GREB1L: variants seen among roughly 807,000 people sequenced by gnomAD.
The protein encoded by GREB1L is GREB1 like retinoic acid receptor coactivator.
Under a neutral mutation model 200.8 loss-of-function variants are expected in GREB1L, and 17 were observed. The observed-to-expected ratio is 0.08, with a 90% CI of 0.06 to 0.13. GREB1L has a LOEUF of 0.13. GREB1L is among the 10% of genes least tolerant of loss of function. The pLI is 1.00. For synonymous variants in GREB1L, 789 were observed against 893.0 expected, an observed-to-expected ratio of 0.88 and a Z score of 2.08; for missense variants, 1,657 against 2,367.7, an observed-to-expected ratio of 0.70 and a Z score of 6.23.
At chr18:21,445,403 G>A (rs1465121863) in intron 11 of GREB1L, among the ~76,000 whole-genome samples, 1 of 152,120 alleles carries the variant, frequency 6.6e-6, no homozygotes, top group Admixed American at 6.5e-5. Flanking sequence ...GAACCCGGGA[G>A]GCGGAGGTTG....
intron 7 of GREB1L, among the ~76,000 whole-genome samples, chr18:21,430,044 A>G (rs2033016649): frequency 6.6e-6 from 1 of 152,112 alleles, no homozygotes; most frequent in Admixed American, 6.6e-5. Flanking sequence ...GTATGGGCAC[A>G]TTCCTGATGT....
intron 32 of GREB1L, 109 bp from the exon 33 acceptor site, chr18:21,522,549 C>G (rs926957501): frequency 2.8e-5 from 21 of 752,888 alleles, no homozygotes; most frequent in Non-Finnish European, 3.7e-5. Context: ...GATTGCTTAT[C>G]CATCTGTTGG....
chr18:21,460,869 G>A (rs2035014830), intron 15 of GREB1L, among the ~76,000 whole-genome samples: 1 of 151,788 alleles, frequency 6.6e-6, no homozygotes, highest in Non-Finnish European at 1.5e-5. Context: ...GACTGAGTCA[G>A]GTGGATCACC....
At chr18:21,313,139 CAG>C (rs1455203223) in intron 1 of GREB1L, among the ~76,000 whole-genome samples, 1 of 151,500 alleles carries the variant, frequency 6.6e-6, no homozygotes, top group Non-Finnish European at 1.5e-5. Context: ...CAGAAGCTAA[CAG>C]AGAAGATTTT....
chr18:21,299,174 A>T (rs1368008056), intron 1 of GREB1L, among the ~76,000 whole-genome samples: 2 of 150,956 alleles, frequency 1.3e-5, no homozygotes, highest in African/African-American at 4.9e-5. Flanking sequence ...GCTACTCGGG[A>T]GGCTGAGGCA....
intron 15 of GREB1L, chr18:21,468,667 GA>G: frequency 2.2e-6 from 1 of 456,152 alleles, no homozygotes; most frequent in South Asian, 1.6e-5. Flanking sequence ...GTGCCAGAAT[GA>G]TACTGTTAAC....
chr18:21,479,930 A>G (rs2035856838), intron 17 of GREB1L, among the ~76,000 whole-genome samples: 2 of 152,140 alleles, frequency 1.3e-5, no homozygotes, highest in African/African-American at 4.8e-5. Flanking sequence ...CTGTAGAGAC[A>G]GTATCTCACT....
At chr18:21,297,277 A>G (rs1163919460) in intron 1 of GREB1L, among the ~76,000 whole-genome samples, 1 of 152,138 alleles carries the variant, frequency 6.6e-6, no homozygotes, top group African/African-American at 2.4e-5. Context: ...CCCAGCCCTT[A>G]TACTGGGCTG....
intron 6 of GREB1L, among the ~76,000 whole-genome samples, chr18:21,402,825 A>G (rs60010612): frequency 0.012 from 1,800 of 152,026 alleles, 40 homozygotes; most frequent in African/African-American, 0.041. Context: ...GCCTGGCCTC[A>G]TTTTTCTAAT....
At position 21,513,893 on chromosome 18, in the gene GREB1L, T is replaced by C. The variant is rs1348768268; in HGVS notation, c.4808T>C (p.Leu1603Pro). The C allele has an allele frequency of 1.3e-6, 2 of 1,551,294 alleles. No homozygotes were observed. The highest frequency in any genetic ancestry group is 2.0e-5 in the Admixed American group (1 of 51,002). Residue 1603 changes from leucine (L) to proline (P), a missense_variant, in exon 28 of 33, where the codon CTA becomes CCA. Transcript: ENST00000424526. Reference sequence around the variant, plus strand: ...TTGGAGAGAAACCGCCTGGAGGAGCTAGGCATTAAACGCCAGTGTGTCTGG... The same window carrying C: ...TTGGAGAGAAACCGCCTGGAGGAGCCAGGCATTAAACGCCAGTGTGTCTGG... ...LELERNRLEE[L>P]GIKRQCVWPF...
chr18:21,451,478 CTTTTT>C (rs58956525), intron 13 of GREB1L: 379 of 69,628 alleles, frequency 5.4e-3, no homozygotes, highest in South Asian at 0.011. Context: ...TCCTTCCTTC[CTTTTT>C]TTTTTTTTTT....
intron 7 of GREB1L, among the ~76,000 whole-genome samples, chr18:21,415,821 A>G (rs1216248401): frequency 3.3e-5 from 5 of 152,224 alleles, no homozygotes; most frequent in South Asian, 4.1e-4. Flanking sequence ...ATATCATGAA[A>G]GCAAAACCCC....
intron 7 of GREB1L, among the ~76,000 whole-genome samples, chr18:21,436,030 G>A (rs1026893593): frequency 9.2e-5 from 14 of 152,086 alleles, no homozygotes; most frequent in African/African-American, 2.4e-4. Flanking sequence ...GCTGATTAAC[G>A]TGAGCATCAA....
At chr18:21,307,054 T>G (rs539131154) in intron 1 of GREB1L, among the ~76,000 whole-genome samples, 10 of 152,360 alleles carry the variant, frequency 6.6e-5, no homozygotes, top group African/African-American at 2.4e-4. Flanking sequence ...ACATTCTTAG[T>G]AAAAGTAGCA....
chr18:21,376,267 T>C (rs1368037189), intron 2 of GREB1L, among the ~76,000 whole-genome samples: 1 of 151,538 alleles, frequency 6.6e-6, no homozygotes, highest in Non-Finnish European at 1.5e-5. Context: ...TACAGGCGCC[T>C]GCCACCATGC....
chr18:21,392,746 T>G (rs1480678964), intron 4 of GREB1L, among the ~76,000 whole-genome samples: 1 of 152,062 alleles, frequency 6.6e-6, no homozygotes, highest in Non-Finnish European at 1.5e-5. Context: ...TTCATCCATT[T>G]TTTTAAATTT....
At chr18:21,265,088 T>A (rs2037945763) in intron 1 of GREB1L, among the ~76,000 whole-genome samples, 2 of 152,212 alleles carry the variant, frequency 1.3e-5, no homozygotes, top group Non-Finnish European at 2.9e-5. Flanking sequence ...GCAATTCAGA[T>A]TATCTCCTTT....
chr18:21,452,214 C>T lies in GREB1L; in HGVS notation c.1981C>T (p.Leu661=). ...EAAAMIPTQN[L]DLDNETFHIY... is the part of the protein sequence containing the mutation. ...TGCTGCTATGATTCCCACACAAAAC[C>T]TGGGTAATGTCATCTCAGACCAAGA... The change falls in exon 14 of 33, where the codon CTG becomes TTG. Residue 661 remains leucine, a synonymous_variant. Transcript: ENST00000424526. The T allele has an allele frequency of 6.4e-7, 1 of 1,551,274 alleles. No individual in the cohort carries two copies. Among genetic ancestry groups the T allele is most frequent in the South Asian group, 1.2e-5 (1 of 83,962 alleles).
chr18:21,427,987 G>T (rs916500930), intron 7 of GREB1L, among the ~76,000 whole-genome samples: 1 of 150,900 alleles, frequency 6.6e-6, no homozygotes, highest in Non-Finnish European at 1.5e-5. Flanking sequence ...TCAGGAGATC[G>T]AGACCATCCT....
Sources: allele counts gnomAD v4.1 joint callset (sites outside exome capture counted in the v4.1 genomes callset), GRCh38; gene constraint gnomAD v4.1.1; transcripts MANE v1.5; gene names NCBI Gene and HGNC (gene_info 2026-07-23, HGNC 2026-07-21).